Variants in COL28A1 observed in about 807,000 individuals in gnomAD.
COL28A1 encodes collagen type XXVIII alpha 1 chain, also known as collagen alpha-1(XXVIII) chain.
COL28A1 carries 161 observed loss-of-function variants against 150.2 expected under a neutral mutation model. That is an observed-to-expected ratio of 1.07 (90% CI 0.94 to 1.22). COL28A1 has a LOEUF of 1.22. Among genes scored for constraint, COL28A1 ranks in the 50% most tolerant of loss-of-function variants. The probability of loss-of-function intolerance (pLI) is 0.00; values close to 1 mark genes in which losing one functional copy is unlikely to be tolerated. For synonymous variants in COL28A1, 552 were observed against 469.7 expected (o/e 1.18, Z -2.26); for missense variants, 1,617 against 1,388.3 (o/e 1.16, Z -2.62).
intron 3 of COL28A1, among the ~76,000 whole-genome samples, chr7:7,525,576 T>C (rs1436247872): frequency 6.6e-6 from 1 of 152,186 alleles, no homozygotes; most frequent in Non-Finnish European, 1.5e-5. Flanking sequence ...ACTGGAATAT[T>C]TGTTGCAAGA....
At chr7:7,441,242 C>G (rs1785761584) in intron 20 of COL28A1, among the ~76,000 whole-genome samples, 1 of 152,052 alleles carries the variant, frequency 6.6e-6, no homozygotes, top group South Asian at 2.1e-4. Context: ...TTTTCTATTT[C>G]AGGTTTAAAA....
chr7:7,531,565 A>G lies in COL28A1; in HGVS notation c.464T>C (p.Val155Ala). The change falls in exon 3 of 35, where the codon GTG (valine) becomes GCG (alanine). Residue 155 changes from valine (V) to alanine (A), a missense_variant. Coordinates refer to ENST00000399429, the MANE Select transcript of COL28A1 (RefSeq NM_001037763.3). ...KREGRKDGVK[V>A]VLLMTDGIDH... is the part of the protein sequence containing the mutation. ...GATGCCATCAGTCATCAGCAAAACC[A>G]CTTTCACACCATCCTTACGCCCTTC... 1 of 1,607,094 alleles carries G rather than the reference A, an allele frequency of 6.2e-7. No homozygotes were observed. Among genetic ancestry groups the G allele is most frequent in the African/African-American group, 1.3e-5 (1 of 74,936 alleles).
chr7:7,404,354 C>T (rs1192670856), intron 27 of COL28A1, among the ~76,000 whole-genome samples: 1 of 151,910 alleles, frequency 6.6e-6, no homozygotes, highest in Non-Finnish European at 1.5e-5. Flanking sequence ...CCATATCATG[C>T]TGTTGGTCGA....
At chr7:7,432,344 C>T in intron 25 of COL28A1, 129 bp downstream of exon 25, 1 of 692,654 alleles carries the variant, frequency 1.4e-6, no homozygotes, top group Admixed American at 2.7e-5. Context: ...TAGATAAGGG[C>T]AAATAACTTT....
intron 4 of COL28A1, among the ~76,000 whole-genome samples, chr7:7,522,987 C>T (rs1781819273): frequency 6.6e-6 from 1 of 151,816 alleles, no homozygotes; most frequent in Non-Finnish European, 1.5e-5. Flanking sequence ...TAGAAATAAC[C>T]AAGTTATTTT....
At chr7:7,511,655 G>C in intron 8 of COL28A1, 2 of 402,066 alleles carry the variant, frequency 5.0e-6, no homozygotes, top group East Asian at 8.9e-5. Flanking sequence ...TACCAACCTT[G>C]ACCACCTAGT....
intron 33 of COL28A1, among the ~76,000 whole-genome samples, chr7:7,364,655 A>G (rs1780839995): frequency 6.6e-6 from 1 of 152,086 alleles, no homozygotes; most frequent in African/African-American, 2.4e-5. Context: ...TCTATTGTTA[A>G]TCTGTCTTTT....
intron 6 of COL28A1, among the ~76,000 whole-genome samples, chr7:7,518,267 A>G (rs1232062684): frequency 6.6e-6 from 1 of 152,156 alleles, no homozygotes; most frequent in Non-Finnish European, 1.5e-5. Flanking sequence ...ATTACAAACC[A>G]AAGAAATAAA....
chr7:7,521,804 T>G, intron 5 of COL28A1, 101 bp downstream of exon 5: 1 of 744,726 alleles, frequency 1.3e-6, no homozygotes, highest in Non-Finnish European at 2.5e-6. Context: ...TCCAAACAAT[T>G]GCTTTTCAGC....
At chr7:7,423,897 C>G (rs1238225720) in intron 25 of COL28A1, among the ~76,000 whole-genome samples, 1 of 152,206 alleles carries the variant, frequency 6.6e-6, no homozygotes, top group Non-Finnish European at 1.5e-5. Context: ...AGTAGGACAG[C>G]TGACCCTGTA....
rs187374507 is a variant in COL28A1, at chr7:7,522,653, C to T, written c.703-692G>A. Among the ~76,000 whole-genome samples the T allele has an allele frequency of 3.8e-4, 58 of 151,972 alleles. No individual in the cohort carries two copies. The East Asian group carries it at 0.01, about 27-fold the overall frequency. On this transcript the variant is annotated intron_variant, in intron 4 of 34. Coordinates refer to ENST00000399429, the MANE Select transcript of COL28A1 (RefSeq NM_001037763.3). ...TTTGCTGGCATAGAGGTCAGTATTA[C>T]GCAGAAAAACAAGGACATCAACAAC...
chr7:7,447,930 T>A (rs1407360978), intron 18 of COL28A1, among the ~76,000 whole-genome samples: 3 of 151,210 alleles, frequency 2.0e-5, no homozygotes, highest in East Asian at 3.9e-4. Context: ...TAGCCAGGAG[T>A]GGTGGTGCCG....
At chr7:7,380,965 C>G in intron 28 of COL28A1, 103 bp from the exon 29 acceptor site, 2 of 971,610 alleles carry the variant, frequency 2.1e-6, no homozygotes, top group Non-Finnish European at 3.2e-6. Flanking sequence ...CTCTTGAAGA[C>G]CTTCAGTTCT....
At chr7:7,517,978 C>G in intron 6 of COL28A1, 141 bp from the exon 7 acceptor site, 1 of 706,096 alleles carries the variant, frequency 1.4e-6, no homozygotes, top group Non-Finnish European at 2.0e-6. Context: ...TTTCACTATG[C>G]AATCTAGGCA....
chr7:7,506,968 T>C, intron 10 of COL28A1, 149 bp downstream of exon 10: 1 of 544,188 alleles, frequency 1.8e-6, no homozygotes, highest in East Asian at 2.9e-5. Context: ...CATTGTAATC[T>C]TCTGGGTATC....
intron 25 of COL28A1, among the ~76,000 whole-genome samples, chr7:7,425,077 ATAAT>A (rs1784585004): frequency 1.3e-5 from 2 of 151,838 alleles, no homozygotes; most frequent in Admixed American, 1.3e-4. Flanking sequence ...ATTATAATAA[ATAAT>A]AAATAAAAAT....
intron 4 of COL28A1, among the ~76,000 whole-genome samples, chr7:7,522,861 T>G (rs1033154564): frequency 4.0e-5 from 6 of 148,416 alleles, no homozygotes; most frequent in Non-Finnish European, 7.4e-5. Context: ...TTTTATAACG[T>G]TTTTAAAAAG....
At chr7:7,501,756 G>A (rs538391818) in intron 11 of COL28A1, among the ~76,000 whole-genome samples, 24 of 152,280 alleles carry the variant, frequency 1.6e-4, no homozygotes, top group African/African-American at 5.1e-4. Flanking sequence ...AGGCAGCAGC[G>A]TTGGGTTTTT....
At chr7:7,415,798 C>A (rs1182255939) in intron 27 of COL28A1, among the ~76,000 whole-genome samples, 1 of 151,920 alleles carries the variant, frequency 6.6e-6, no homozygotes, top group Non-Finnish European at 1.5e-5. Flanking sequence ...TCCCAAAGTG[C>A]TGGGTAGTTT....
Sources: allele counts gnomAD v4.1 joint callset (sites outside exome capture counted in the v4.1 genomes callset), GRCh38; gene constraint gnomAD v4.1.1; transcripts MANE v1.5; gene names NCBI Gene and HGNC (gene_info 2026-07-23, HGNC 2026-07-21).